The following SLCO5A1 variants were observed in gnomAD, a reference collection of about 807,000 sequenced individuals.
SLCO5A1 encodes solute carrier organic anion transporter family member 5A1, also known as organic anion transporter polypeptide-related protein 4.
A neutral mutation model predicts 65.1 loss-of-function variants in SLCO5A1; 39 were observed. The ratio of observed to expected loss-of-function variants is 0.60; its 90% CI spans 0.46 to 0.78. The LOEUF is 0.78. SLCO5A1 is among the 30% of genes least tolerant of loss of function. SLCO5A1 has a pLI of 0.00. For synonymous variants in SLCO5A1, 438 were observed against 415.7 expected (o/e 1.05, Z -0.65); for missense variants, 1,029 against 1,069.4 (o/e 0.96, Z 0.53).
chr8:69,822,108 C>T lies in SLCO5A1; in HGVS notation c.907+9659G>A, dbSNP rs540486773. ...GCCATTGCGCTCCAGCCTGGGGAAA[C>T]AGAGCAAGACTCTGTCTCAAAATAA... On this transcript the variant is annotated intron_variant, in intron 2 of 9. Transcript: ENST00000260126. Among the ~76,000 whole-genome samples the T allele has an allele frequency of 1.6e-4, 24 of 152,118 alleles. No individual in the cohort carries two copies. The South Asian group carries it at 4.4e-3, about 28-fold the overall frequency.
chr8:69,755,347 G>T, intron 4 of SLCO5A1, 77 bp downstream of exon 4: 3 of 1,204,190 alleles, frequency 2.5e-6, no homozygotes, highest in Non-Finnish European at 2.4e-6. Context: ...TGGGTAGACA[G>T]CATGGGCCTG....
chr8:69,687,207 T>G (rs1814038999), intron 6 of SLCO5A1, among the ~76,000 whole-genome samples: 1 of 152,216 alleles, frequency 6.6e-6, no homozygotes, highest in Non-Finnish European at 1.5e-5. Context: ...GATGGAGATC[T>G]AGTTTCAGGC....
At chr8:69,810,258 T>C (rs1050176636) in intron 2 of SLCO5A1, among the ~76,000 whole-genome samples, 1 of 152,116 alleles carries the variant, frequency 6.6e-6, no homozygotes, top group African/African-American at 2.4e-5. Flanking sequence ...TGCACTAGCA[T>C]CTGCAGGGAC....
chr8:69,770,587 G>A (rs1818278110), intron 2 of SLCO5A1, among the ~76,000 whole-genome samples: 1 of 152,052 alleles, frequency 6.6e-6, no homozygotes, highest in Non-Finnish European at 1.5e-5. Context: ...AGCCACTTAT[G>A]ATGGGAAGGG....
At chr8:69,823,789 G>A (rs964318769) in intron 2 of SLCO5A1, among the ~76,000 whole-genome samples, 8 of 152,086 alleles carry the variant, frequency 5.3e-5, no homozygotes, top group South Asian at 2.1e-4. Context: ...ATAGACATCT[G>A]CAGAACTCTC....
intron 5 of SLCO5A1, among the ~76,000 whole-genome samples, chr8:69,716,548 G>T (rs1815549054): frequency 1.3e-5 from 2 of 152,124 alleles, no homozygotes; most frequent in Admixed American, 6.5e-5. Context: ...TTGTGGTTTT[G>T]ATTTGCATAT....
chr8:69,779,788 C>G (rs1367390904), intron 2 of SLCO5A1, among the ~76,000 whole-genome samples: 2 of 151,984 alleles, frequency 1.3e-5, no homozygotes, highest in Admixed American at 1.3e-4. Flanking sequence ...AAAAAGGTAT[C>G]AAAATTTTAA....
chr8:69,686,226 C>G (rs75051218), intron 6 of SLCO5A1, among the ~76,000 whole-genome samples: 1 of 62,994 alleles, frequency 1.6e-5, no homozygotes, highest in African/African-American at 1.3e-4. Context: ...ACATGCTTCA[C>G]ACAGCAAAAA....
In SLCO5A1 at chr8:69,682,218, G is replaced by A; in HGVS notation, c.1748C>T (p.Ala583Val). The A allele has an allele frequency of 6.2e-7, 1 of 1,612,738 alleles. No homozygotes were observed. The highest frequency in any genetic ancestry group is 1.1e-5 in the South Asian group (1 of 90,752). ...AAGATTACCACTATTAACACAGCCA[G>A]CCAGACAAGGGTTAAAGTATGTAAT... Reference protein sequence around the residue: ...DGITYFNPCLAGCVNSGNLST... With the variant: ...DGITYFNPCLVGCVNSGNLST... The change falls in exon 7 of 10, where the codon GCT (alanine) becomes GTT (valine). Residue 583 changes from alanine to valine, a missense_variant. Ala to Val is a moderately conservative substitution (Grantham distance 64, BLOSUM62 0). Transcript: ENST00000260126.
Position 69,705,104 on chromosome 8 carries a change from A to T in SLCO5A1, c.1549T>A (p.Cys517Ser), listed in dbSNP as rs777343785. Residue 517 changes from cysteine to serine, a missense_variant, in exon 6 of 10, where the codon TGT becomes AGT. Cys to Ser is a moderately radical substitution (Grantham distance 112, BLOSUM62 -1). Transcript: ENST00000260126. ...CCAACAATAAATAGGGTTGAAAAACATAGTAAAGACACACCACTGCAGATC... is the reference window on the plus strand; with the variant it reads ...CCAACAATAAATAGGGTTGAAAAACTTAGTAAAGACACACCACTGCAGATC... ...AMICSGVSLL[C>S]FSTLFIVGCE... is the part of the protein sequence containing the mutation. The T allele has an allele frequency of 6.2e-7, 1 of 1,614,230 alleles. No individual in the cohort carries two copies.
At chr8:69,745,265 T>G (rs898914686) in intron 4 of SLCO5A1, among the ~76,000 whole-genome samples, 1 of 152,156 alleles carries the variant, frequency 6.6e-6, no homozygotes, top group Non-Finnish European at 1.5e-5. Context: ...TTTTTCTGGT[T>G]GCAAGAAAAT....
intron 2 of SLCO5A1, among the ~76,000 whole-genome samples, chr8:69,785,942 C>A (rs1044568451): frequency 5.3e-5 from 8 of 152,146 alleles, no homozygotes; most frequent in African/African-American, 9.7e-5. Flanking sequence ...ATATTCAGAG[C>A]AAAGTTATTA....
At chr8:69,785,288 T>G (rs1029967903) in intron 2 of SLCO5A1, among the ~76,000 whole-genome samples, 1 of 152,214 alleles carries the variant, frequency 6.6e-6, no homozygotes, top group Non-Finnish European at 1.5e-5. Context: ...GGAAACATTA[T>G]CATGATAGTA....
intron 2 of SLCO5A1, among the ~76,000 whole-genome samples, chr8:69,776,447 T>A (rs1272285044): frequency 6.6e-6 from 1 of 152,170 alleles, no homozygotes; most frequent in Non-Finnish European, 1.5e-5. Context: ...AATCTCAGCA[T>A]TTTGCAAGGC....
chr8:69,694,313 C>T (rs369270718), intron 6 of SLCO5A1, among the ~76,000 whole-genome samples: 13 of 152,264 alleles, frequency 8.5e-5, no homozygotes, highest in East Asian at 5.8e-4. Flanking sequence ...TTAACTAAAA[C>T]ATAGATAATA....
chr8:69,709,413 T>C (rs1402262913), intron 5 of SLCO5A1, among the ~76,000 whole-genome samples: 1 of 152,176 alleles, frequency 6.6e-6, no homozygotes, highest in Non-Finnish European at 1.5e-5. Flanking sequence ...GGAGAGAAAC[T>C]CCTTTCTCTG....
chr8:69,831,215 AT>A (rs1821134837), intron 2 of SLCO5A1, among the ~76,000 whole-genome samples: 1 of 151,768 alleles, frequency 6.6e-6, no homozygotes, highest in South Asian at 2.1e-4. Context: ...AGCTGAGATC[AT>A]GCCATTGCAC....
intron 4 of SLCO5A1, among the ~76,000 whole-genome samples, chr8:69,741,758 T>C (rs754412359): frequency 2.9e-4 from 44 of 152,186 alleles, no homozygotes; most frequent in South Asian, 2.1e-3. Context: ...CAAATCCAAA[T>C]TGAAGGATAT....
At chr8:69,720,320 G>A (rs575908339) in intron 5 of SLCO5A1, among the ~76,000 whole-genome samples, 98 of 152,328 alleles carry the variant, frequency 6.4e-4, no homozygotes, top group African/African-American at 2.0e-3. Flanking sequence ...TGACAACCAC[G>A]GGCTTCTTTA....
Sources: allele counts gnomAD v4.1 joint callset (sites outside exome capture counted in the v4.1 genomes callset), GRCh38; gene constraint gnomAD v4.1.1; transcripts MANE v1.5; gene names NCBI Gene and HGNC (gene_info 2026-07-23, HGNC 2026-07-21).